The following DPYD variants were observed in gnomAD, a reference collection of about 807,000 sequenced individuals.
DPYD encodes the protein dihydropyrimidine dehydrogenase [NADP(+)].
DPYD carries 109 observed loss-of-function variants against 116.2 expected under a neutral mutation model. The observed-to-expected ratio is 0.94, with a 90% CI of 0.80 to 1.10. The LOEUF (loss-of-function observed/expected upper bound fraction) is 1.10. Among genes scored for constraint, DPYD ranks in the 50% least tolerant of loss-of-function variants. DPYD has a pLI of 0.00. For synonymous variants in DPYD, 440 were observed against 432.0 expected, an observed-to-expected ratio of 1.02 and a Z score of -0.23; for missense variants, 1,302 against 1,254.5, an observed-to-expected ratio of 1.04 and a Z score of -0.57.
At chr1:97,153,947 C>T (rs1189331951) in intron 20 of DPYD, among the ~76,000 whole-genome samples, 1 of 149,194 alleles carries the variant, frequency 6.7e-6, no homozygotes, top group African/African-American at 2.5e-5. Flanking sequence ...ACAAAACCAC[C>T]TCACTCCTGC....
At position 97,686,962 on chromosome 1, in the gene DPYD, C is replaced by T. The variant is rs542626005; in HGVS notation, c.762+4755G>A. On this transcript the variant is annotated intron_variant, in intron 7 of 22. Transcript: ENST00000370192. ...TTAAACAAATTTACAAGAAAAAAACCAACCCCATTAAAAAGTGGACAAAGG... is the reference window on the plus strand; with the variant it reads ...TTAAACAAATTTACAAGAAAAAAACTAACCCCATTAAAAAGTGGACAAAGG... 4.6e-5 allele frequency among the ~76,000 whole-genome samples: 7 copies of T among 151,778 alleles called. No individual in the cohort carries two copies. The East Asian group carries it at 1.4e-3, about 30-fold the overall frequency.
At chr1:97,884,270 T>C (rs952236251) in intron 1 of DPYD, among the ~76,000 whole-genome samples, 1 of 152,052 alleles carries the variant, frequency 6.6e-6, no homozygotes, top group Non-Finnish European at 1.5e-5. Context: ...AACATACCAT[T>C]ATTTCACCAG....
intron 20 of DPYD, among the ~76,000 whole-genome samples, chr1:97,121,445 T>C (rs1326108841): frequency 1.3e-5 from 2 of 152,172 alleles, no homozygotes; most frequent in South Asian, 2.1e-4. Context: ...CAATGATATG[T>C]AAGTATACTG....
chr1:97,683,973 T>C (rs1402760222), intron 7 of DPYD, among the ~76,000 whole-genome samples: 11 of 152,176 alleles, frequency 7.2e-5, no homozygotes, highest in Admixed American at 7.2e-4. Flanking sequence ...GTTTTCATTA[T>C]TCAATCTATA....
At chr1:97,774,562 G>A (rs551468228) in intron 3 of DPYD, 1 of 152,352 alleles carries the variant, frequency 6.6e-6, no homozygotes, top group Non-Finnish European at 1.5e-5. Context: ...GTATGGCTCT[G>A]GGTATCTACC....
chr1:97,612,716 A>G (rs1656022581), intron 8 of DPYD, among the ~76,000 whole-genome samples: 1 of 151,976 alleles, frequency 6.6e-6, no homozygotes, highest in Non-Finnish European at 1.5e-5. Flanking sequence ...AGCTTTAATG[A>G]TTATATGCAA....
intron 3 of DPYD, among the ~76,000 whole-genome samples, chr1:97,778,860 T>C (rs1666573577): frequency 6.6e-6 from 1 of 152,168 alleles, no homozygotes; most frequent in African/African-American, 2.4e-5. Flanking sequence ...GGAATTTTCA[T>C]ACAGAGCTCA....
At chr1:97,722,103 A>C (rs1662957282) in intron 4 of DPYD, among the ~76,000 whole-genome samples, 1 of 151,658 alleles carries the variant, frequency 6.6e-6, no homozygotes, top group Non-Finnish European at 1.5e-5. Context: ...CATTTAACTA[A>C]ATTAAAAGCA....
chr1:97,087,865 A>G (rs1308483229), intron 21 of DPYD, among the ~76,000 whole-genome samples: 2 of 152,186 alleles, frequency 1.3e-5, no homozygotes, highest in Non-Finnish European at 2.9e-5. Flanking sequence ...GTTCTCTCTA[A>G]TTATAATTTA....
intron 8 of DPYD, among the ~76,000 whole-genome samples, chr1:97,663,005 A>T (rs1168453865): frequency 1.3e-5 from 2 of 152,206 alleles, no homozygotes; most frequent in South Asian, 4.1e-4. Flanking sequence ...ATTTCAGTGA[A>T]AAGGTAGTTT....
chr1:97,488,443 G>C (rs1409527416), intron 13 of DPYD, among the ~76,000 whole-genome samples: 1 of 152,102 alleles, frequency 6.6e-6, no homozygotes, highest in Non-Finnish European at 1.5e-5. Flanking sequence ...AGGAATAAAA[G>C]TAAAACAGGG....
chr1:97,595,049 T>A lies in DPYD; in HGVS notation c.958+10A>T. ...ACTCACTATTAAGCATAAAAGACAATATGTTATACCTGCTTTACTGCCTTT... is the reference window on the plus strand; with the variant it reads ...ACTCACTATTAAGCATAAAAGACAAAATGTTATACCTGCTTTACTGCCTTT... On this transcript the variant is annotated intron_variant, in intron 9 of 22. Coordinates refer to ENST00000370192, the MANE Select transcript of DPYD (RefSeq NM_000110.4). The A allele has an allele frequency of 6.3e-7, 1 of 1,594,290 alleles. No homozygotes were observed. Among genetic ancestry groups the A allele is most frequent in the Admixed American group, 1.7e-5 (1 of 59,908 alleles).
chr1:97,780,465 G>C (rs1666678983), intron 3 of DPYD, among the ~76,000 whole-genome samples: 1 of 152,134 alleles, frequency 6.6e-6, no homozygotes, highest in Non-Finnish European at 1.5e-5. Context: ...TTACTGATTT[G>C]CTGTTTGCCC....
intron 14 of DPYD, among the ~76,000 whole-genome samples, chr1:97,398,689 A>G (rs1479689193): frequency 6.6e-6 from 1 of 152,148 alleles, no homozygotes; most frequent in African/African-American, 2.4e-5. Context: ...CATTTCTCTG[A>G]TGGCCAGTGA....
At chr1:97,460,443 C>T (rs1254781516) in intron 13 of DPYD, among the ~76,000 whole-genome samples, 2 of 152,038 alleles carry the variant, frequency 1.3e-5, no homozygotes, top group Admixed American at 6.6e-5. Context: ...GGAGATACTG[C>T]TATCTGAAAC....
intron 2 of DPYD, among the ~76,000 whole-genome samples, chr1:97,857,800 T>C (rs1292786723): frequency 6.6e-6 from 1 of 152,038 alleles, no homozygotes; most frequent in Non-Finnish European, 1.5e-5. Flanking sequence ...TGGTCTGAAG[T>C]TCTGGAGACC....
intron 20 of DPYD, among the ~76,000 whole-genome samples, chr1:97,124,132 G>A (rs1652656644): frequency 6.6e-6 from 1 of 151,992 alleles, no homozygotes; most frequent in African/African-American, 2.4e-5. Context: ...GGTTTGAAAT[G>A]ATGCAAGGCC....
At chr1:97,786,586 T>G (rs1303099655) in intron 3 of DPYD, among the ~76,000 whole-genome samples, 2 of 152,196 alleles carry the variant, frequency 1.3e-5, no homozygotes, top group South Asian at 4.1e-4. Context: ...ATGAGGGCCC[T>G]ACCTGAGGAG....
chr1:97,533,877 T>C (rs937357663), intron 12 of DPYD, among the ~76,000 whole-genome samples: 36 of 152,184 alleles, frequency 2.4e-4, no homozygotes, highest in Non-Finnish European at 4.9e-4. Flanking sequence ...GGAAGGATGG[T>C]TGTGAAGATC....
Sources: allele counts gnomAD v4.1 joint callset (sites outside exome capture counted in the v4.1 genomes callset), GRCh38; gene constraint gnomAD v4.1.1; transcripts MANE v1.5; gene names NCBI Gene and HGNC (gene_info 2026-07-23, HGNC 2026-07-21).